ONECUT2: variants seen among roughly 807,000 people sequenced by gnomAD.
ONECUT2 encodes the protein one cut homeobox 2, also known as one cut domain family member 2.
A neutral mutation model predicts 27.9 loss-of-function variants in ONECUT2; 10 were observed. That is an observed-to-expected ratio of 0.36 (90% CI 0.22 to 0.61). The LOEUF (loss-of-function observed/expected upper bound fraction) is 0.61. Ranked by LOEUF, ONECUT2 falls within the 20% of genes least tolerant of loss-of-function variation. The pLI is 0.73. For synonymous variants in ONECUT2, 334 were observed against 315.1 expected, an observed-to-expected ratio of 1.06 and a Z score of -0.64; for missense variants, 686 against 721.0, an observed-to-expected ratio of 0.95 and a Z score of 0.56.
rs2050146341 is a variant in ONECUT2 at position 57,436,975 on chromosome 18, G to T, written c.1228+31G>T. 1 of 1,541,462 alleles carries T rather than the reference G, an allele frequency of 6.5e-7. No individual in the cohort carries two copies. Among genetic ancestry groups the T allele is most frequent in the Admixed American group, 2.0e-5 (1 of 51,004 alleles). ...GCCGGGGCTAGCCAGGGGCCAGGCTGCTGGGAAGAGGGCTCCGGGTCCGGT... is the reference window on the plus strand; with the variant it reads ...GCCGGGGCTAGCCAGGGGCCAGGCTTCTGGGAAGAGGGCTCCGGGTCCGGT... On this transcript the variant is annotated intron_variant, in intron 1 of 1. Transcript: ENST00000491143. The surrounding 1 kb of genome is among the most constrained non-coding windows in gnomAD (Gnocchi z 5.9).
At chr18:57,475,644 G>C (rs563297909) in intron 1 of ONECUT2, among the ~76,000 whole-genome samples, 2 of 152,142 alleles carry the variant, frequency 1.3e-5, no homozygotes, top group Non-Finnish European at 2.9e-5. Context: ...GCATATGTCA[G>C]CCCAGGCATG....
chr18:57,470,767 TC>T (rs2050348864), intron 1 of ONECUT2, among the ~76,000 whole-genome samples: 1 of 151,082 alleles, frequency 6.6e-6, no homozygotes, highest in Admixed American at 6.6e-5. Context: ...TACCTTACCC[TC>T]CACACCACAC....
rs903745272 is a variant in ONECUT2, at chr18:57,485,768, T to G, written c.*9045T>G. ...ACAAAGCATAGCTAGTAGAGGAATA[T>G]AAATGACAGATTGACAAACTGTAGG... On this transcript the variant is annotated 3_prime_UTR_variant, in exon 2 of 2. Coordinates refer to ENST00000491143, the MANE Select transcript of ONECUT2 (RefSeq NM_004852.3). The G allele has an allele frequency of 6.6e-5, 10 of 152,304 alleles. No homozygotes were observed. The highest frequency in any genetic ancestry group is 1.9e-4 in the African/African-American group (8 of 41,566). 9.4% of individuals were successfully genotyped at this position (152,304 alleles called of 1,614,324 possible). A position where few individuals can be genotyped will look rare whatever the true frequency, so the allele number is the denominator to read the frequency against.
intron 1 of ONECUT2, among the ~76,000 whole-genome samples, chr18:57,446,316 C>T (rs1264095284): frequency 6.6e-6 from 1 of 152,232 alleles, no homozygotes; most frequent in Admixed American, 6.5e-5. Context: ...CCCACTGCCC[C>T]TCTATTTTCT....
At position 57,473,216 on chromosome 18, in the gene ONECUT2, G is replaced by C. The variant is rs976177448; in HGVS notation, c.1229-3221G>C. The stretch of plus-strand genomic sequence containing the variant: ...CCCTCTGATGTGCAGTTGGGTATGG[G>C]TGCCATTCCCTACAAGAGAAGTGTT... On this transcript the variant is annotated intron_variant, in intron 1 of 1. Coordinates refer to ENST00000491143, the MANE Select transcript of ONECUT2 (RefSeq NM_004852.3). 9.8e-5 allele frequency among the ~76,000 whole-genome samples: 15 copies of C among 152,320 alleles called. No individual in the cohort carries two copies. In the East Asian group the frequency reaches 2.5e-3, roughly 25 times the overall value.
Position 57,483,991 on chromosome 18 carries a change from C to T in ONECUT2, c.*7268C>T, listed in dbSNP as rs953305794. 1.3e-5 allele frequency: 2 copies of T among 152,726 alleles called. No individual in the cohort carries two copies. Among genetic ancestry groups the T allele is most frequent in the Non-Finnish European group, 2.9e-5 (2 of 68,034 alleles). 9.5% of individuals were successfully genotyped at this position (152,726 alleles called of 1,614,324 possible). The stretch of plus-strand genomic sequence containing the variant: ...AGCAAATTTTGTGGACAAGCAATGA[C>T]TATTCAGCCTGAACCTGTGCATTCA... On this transcript the variant is annotated 3_prime_UTR_variant, in exon 2 of 2. Transcript: ENST00000491143.
At chr18:57,441,164 G>C (rs920290288) in intron 1 of ONECUT2, among the ~76,000 whole-genome samples, 1 of 152,254 alleles carries the variant, frequency 6.6e-6, no homozygotes, top group African/African-American at 2.4e-5. Context: ...CCACTGTGTG[G>C]TTATGTCACT....
rs2050409100 is a variant in ONECUT2 at position 57,480,256 on chromosome 18, A to G, written c.*3533A>G. On this transcript the variant is annotated 3_prime_UTR_variant, in exon 2 of 2. Coordinates refer to ENST00000491143, the MANE Select transcript of ONECUT2 (RefSeq NM_004852.3). The stretch of plus-strand genomic sequence containing the variant: ...TCCCTTTGTCCCTTGCTCATACTCC[A>G]TGTTTCCTTTGTCAAAGGACTAAGA... 1 of 152,040 alleles carries G rather than the reference A, an allele frequency of 6.6e-6. No homozygotes were observed. Among genetic ancestry groups the G allele is most frequent in the Non-Finnish European group, 1.5e-5 (1 of 68,028 alleles). The allele number at this position is 152,040 out of a possible 1,614,324, so 9.4% of individuals were successfully genotyped here.
chr18:57,473,447 G>A (rs2050364995), intron 1 of ONECUT2, among the ~76,000 whole-genome samples: 1 of 152,154 alleles, frequency 6.6e-6, no homozygotes, highest in African/African-American at 2.4e-5. Flanking sequence ...CTCTAGAATT[G>A]AACATTTTTA....
At chr18:57,454,585 G>A (rs558910300) in intron 1 of ONECUT2, among the ~76,000 whole-genome samples, 22 of 152,170 alleles carry the variant, frequency 1.4e-4, no homozygotes, top group African/African-American at 4.8e-4. Context: ...TATGGCACCT[G>A]GTACATTGCC....
rs529422167 is a variant in ONECUT2 at position 57,453,971 on chromosome 18, C to CTA, written c.1228+17029_1228+17030dup. On this transcript the variant is annotated intron_variant, in intron 1 of 1. Transcript: ENST00000491143. The stretch of plus-strand genomic sequence containing the variant: ...CTTGAGACAGCCATTCCATTAAATT[C>CTA]TATGGCGAGGGAATCTATGGTGTTC... Among the ~76,000 whole-genome samples, 707 of 152,238 alleles carry CTA rather than the reference C, an allele frequency of 4.6e-3. 4 individuals are homozygous for CTA. The highest frequency in any genetic ancestry group is 0.015 in the African/African-American group (629 of 41,548).
intron 1 of ONECUT2, among the ~76,000 whole-genome samples, chr18:57,460,207 G>A (rs1043121174): frequency 6.6e-6 from 1 of 151,890 alleles, no homozygotes; most frequent in African/African-American, 2.4e-5. Context: ...ATAGGCGTGA[G>A]CCACCATGCC....
At chr18:57,459,331 A>G (rs865866795) in intron 1 of ONECUT2, among the ~76,000 whole-genome samples, 1 of 152,334 alleles carries the variant, frequency 6.6e-6, no homozygotes, top group Non-Finnish European at 1.5e-5. Flanking sequence ...GTGAACAAAG[A>G]TGAGGAGGGT....
intron 1 of ONECUT2, among the ~76,000 whole-genome samples, chr18:57,461,281 CT>C (rs958556596): frequency 3.3e-5 from 5 of 152,020 alleles, no homozygotes; most frequent in Non-Finnish European, 7.4e-5. Context: ...GCAGTCATTC[CT>C]TCTTTTTCAT....
chr18:57,438,461 C>T (rs988774058), intron 1 of ONECUT2, among the ~76,000 whole-genome samples: 1 of 152,214 alleles, frequency 6.6e-6, no homozygotes, highest in Non-Finnish European at 1.5e-5. Context: ...TTTCCACCCC[C>T]GATCCCCCGG....
At chr18:57,476,001 A>C (rs942967415) in intron 1 of ONECUT2, among the ~76,000 whole-genome samples, 8 of 151,948 alleles carry the variant, frequency 5.3e-5, no homozygotes, top group Non-Finnish European at 4.4e-5. Flanking sequence ...TTAAGTTTTG[A>C]CTCCAGAAGG....
Position 57,481,524 on chromosome 18 carries a change from T to C in ONECUT2, c.*4801T>C, listed in dbSNP as rs933355738. 6 of 152,262 alleles carry C rather than the reference T, an allele frequency of 3.9e-5. No individual in the cohort carries two copies. Among genetic ancestry groups the C allele is most frequent in the African/African-American group, 1.4e-4 (6 of 41,482 alleles). 9.4% of individuals were successfully genotyped at this position (152,262 alleles called of 1,614,324 possible). On this transcript the variant is annotated 3_prime_UTR_variant, in exon 2 of 2. Transcript: ENST00000491143. Reference sequence around the variant, plus strand: ...AATCAGTTATTTTCTTTGTCTATACTGGGCACCCACCTACTAGTGCCAGTA... The same window carrying C: ...AATCAGTTATTTTCTTTGTCTATACCGGGCACCCACCTACTAGTGCCAGTA...
At chr18:57,470,506 G>C (rs751655519) in intron 1 of ONECUT2, among the ~76,000 whole-genome samples, 8 of 152,162 alleles carry the variant, frequency 5.3e-5, no homozygotes, top group Non-Finnish European at 1.0e-4. Context: ...TCCAGACTTT[G>C]GCTTCCACTG....
At chr18:57,462,590 A>G (rs181523893) in intron 1 of ONECUT2, among the ~76,000 whole-genome samples, 46 of 152,030 alleles carry the variant, frequency 3.0e-4, no homozygotes, top group African/African-American at 1.0e-3. Flanking sequence ...ACAGGGTCTC[A>G]CTTTGTTGCA....
Sources: gnomAD v4.1 joint callset for allele counts (sites outside exome capture counted in the v4.1 genomes callset) on GRCh38, gnomAD v4.1.1 for gene constraint, Gnocchi (gnomAD v3.1) non-coding constraint, MANE v1.5 for transcripts, NCBI Gene and HGNC (gene_info 2026-07-23, HGNC 2026-07-21) for gene names.